The following SPAM1 variants were observed in gnomAD, a reference collection of about 807,000 sequenced individuals.
The protein encoded by SPAM1 is hyaluronidase PH-20.
In SPAM1, 22 loss-of-function variants were observed where a neutral mutation model predicts 29.6. The observed-to-expected ratio is 0.74, with a 90% CI of 0.53 to 1.06. The LOEUF is 1.06. Ranked by LOEUF, SPAM1 falls within the 50% of genes least tolerant of loss-of-function variation. SPAM1 has a pLI of 0.00. For missense variants in SPAM1, 534 were observed against 604.0 expected, an observed-to-expected ratio of 0.88 and a Z score of 1.21; for synonymous variants, 194 against 204.6, an observed-to-expected ratio of 0.95 and a Z score of 0.44.
chr7:123,948,973 CT>C (rs58149943), intron 1 of SPAM1, among the ~76,000 whole-genome samples: 47,807 of 141,132 alleles, frequency 0.34, 8,121 homozygotes, highest in Admixed American at 0.42. Context: ...AAATTTGGCT[CT>C]TTTTTTTTTT....
intron 1 of SPAM1, among the ~76,000 whole-genome samples, chr7:123,949,629 A>G (rs1409836830): frequency 1.3e-5 from 2 of 152,156 alleles, no homozygotes; most frequent in African/African-American, 4.8e-5. Context: ...ATGCTACAAT[A>G]CATAGTGGTG....
At chr7:123,940,097 C>CT (rs142904583) in intron 1 of SPAM1, among the ~76,000 whole-genome samples, 101 of 147,918 alleles carry the variant, frequency 6.8e-4, no homozygotes, top group Middle Eastern at 3.5e-3. Flanking sequence ...CTGCTTACTT[C>CT]TTTTTTTTTT....
intron 1 of SPAM1, among the ~76,000 whole-genome samples, chr7:123,943,478 A>T (rs565919593): frequency 3.9e-5 from 6 of 152,296 alleles, no homozygotes; most frequent in Non-Finnish European, 7.4e-5. Context: ...TACTGATAAC[A>T]TATGCTAAGA....
intron 1 of SPAM1, among the ~76,000 whole-genome samples, chr7:123,930,474 T>C (rs879381705): frequency 1.3e-5 from 2 of 152,064 alleles, no homozygotes; most frequent in Non-Finnish European, 2.9e-5. Flanking sequence ...CCCAAAAATA[T>C]CCTAAGAAAG....
downstream of SPAM1, among the ~76,000 whole-genome samples, chr7:123,963,143 T>C (rs1013848043): frequency 5.3e-5 from 8 of 151,888 alleles, no homozygotes; most frequent in Non-Finnish European, 8.8e-5. Context: ...GGTATATACA[T>C]TTTAATTTAG....
In SPAM1 at chr7:123,959,397, T is replaced by TA. The variant is rs1221042552; in HGVS notation, c.1045-80dup. 7 of 885,022 alleles carry TA rather than the reference T, an allele frequency of 7.9e-6. No individual in the cohort carries two copies. In the Admixed American group the frequency reaches 8.1e-5, roughly 10 times the overall value. The allele number at this position is 885,022 out of a possible 1,614,324, so 54.8% of individuals were successfully genotyped here. A position where few individuals can be genotyped will look rare whatever the true frequency, so the allele number is the denominator to read the frequency against. On this transcript the variant is annotated intron_variant, in intron 4 of 4. Coordinates refer to ENST00000682466, the MANE Select transcript of SPAM1 (RefSeq NM_153189.3). Reference sequence around the variant, plus strand: ...GCTATCTCTGGTTTTCATTCTTCTGTAAAAAAATTGCTTAATACACTAAAT... The same window carrying TA: ...GCTATCTCTGGTTTTCATTCTTCTGTAAAAAAAATTGCTTAATACACTAAAT...
At chr7:123,952,248 A>T (rs1042097400) in intron 2 of SPAM1, among the ~76,000 whole-genome samples, 5 of 152,130 alleles carry the variant, frequency 3.3e-5, no homozygotes, top group Non-Finnish European at 7.4e-5. Flanking sequence ...AGACTATAAT[A>T]GTCCTTATGA....
intron 5 of SPAM1, among the ~76,000 whole-genome samples, chr7:123,967,125 A>AG (rs749711159): frequency 3.2e-4 from 49 of 152,088 alleles, no homozygotes; most frequent in Non-Finnish European, 6.3e-4. Flanking sequence ...TAATGGCAGC[A>AG]GGGGGCAGTA....
intron 1 of SPAM1, among the ~76,000 whole-genome samples, chr7:123,940,036 C>G (rs1271668162): frequency 6.6e-6 from 1 of 151,936 alleles, no homozygotes; most frequent in African/African-American, 2.4e-5. Context: ...TTTGTTTCCC[C>G]TATTGCAATT....
chr7:123,959,876 A>G lies in SPAM1; in HGVS notation c.1437A>G (p.Gln479=), dbSNP rs147565292. ...CTCCCATGGAGACAGAAGAACCTCA[A>G]ATTTTCTACAATGCTTCACCCTCCA... The part of the protein sequence containing the change: ...LKPPMETEEP[Q]IFYNASPSTL... Residue 479 remains glutamine (Q), a synonymous_variant, in exon 5 of 5, where the codon CAA becomes CAG. Transcript: ENST00000682466. 2.5e-6 allele frequency: 4 copies of G among 1,613,054 alleles called. No individual in the cohort carries two copies. The highest frequency in any genetic ancestry group is 1.7e-4 in the Middle Eastern group (1 of 6,056).
chr7:123,957,919 T>G (rs901344294), intron 4 of SPAM1, among the ~76,000 whole-genome samples: 2 of 152,002 alleles, frequency 1.3e-5, no homozygotes, highest in African/African-American at 4.8e-5. Context: ...TTCCTTCAGT[T>G]TATCTTTCTA....
chr7:123,941,119 T>C (rs996108042), intron 1 of SPAM1, among the ~76,000 whole-genome samples: 1 of 152,238 alleles, frequency 6.6e-6, no homozygotes, highest in Non-Finnish European at 1.5e-5. Flanking sequence ...TCATTATTTA[T>C]TTGGCTCTTC....
At chr7:123,968,712 T>G (rs1019181884) in intron 5 of SPAM1, among the ~76,000 whole-genome samples, 2 of 151,984 alleles carry the variant, frequency 1.3e-5, no homozygotes, top group South Asian at 2.1e-4. Flanking sequence ...GAAAATATGG[T>G]TTCTAGAGCC....
At chr7:123,941,599 G>C (rs1808430017) in intron 1 of SPAM1, among the ~76,000 whole-genome samples, 1 of 152,128 alleles carries the variant, frequency 6.6e-6, no homozygotes, top group Non-Finnish European at 1.5e-5. Context: ...TCTGTCCTTT[G>C]TTCACAAGGA....
At chr7:123,958,226 C>T (rs750205799) in intron 4 of SPAM1, among the ~76,000 whole-genome samples, 11 of 152,012 alleles carry the variant, frequency 7.2e-5, no homozygotes, top group Non-Finnish European at 1.5e-4. Context: ...ACCACTGCCA[C>T]TTCCTTTGGC....
chr7:123,932,081 G>A (rs1032313330), intron 1 of SPAM1: 26 of 152,158 alleles, frequency 1.7e-4, no homozygotes, highest in African/African-American at 5.6e-4. Flanking sequence ...GAGAAAGGAC[G>A]AATTAAAACC....
intron 3 of SPAM1, 53 bp from the exon 4 acceptor site, chr7:123,954,944 A>G (rs1792215025): frequency 8.4e-7 from 1 of 1,194,488 alleles, no homozygotes; most frequent in Non-Finnish European, 1.3e-6. Context: ...TGTCCTATGT[A>G]TAGCACTTTC....
rs1792455217 is a variant in SPAM1 at position 123,968,346 on chromosome 7, TG to T, written c.1486-1850del. On this transcript the variant is annotated intron_variant, in intron 5 of 6. Transcript: ENST00000340011. ...AGAAGGCAACTTCCAGGTGTTGCCA[TG>T]GCAATTGAAAACTGTCATGACGCTG... Among the ~76,000 whole-genome samples, 3 of 152,212 alleles carry T rather than the reference TG, an allele frequency of 2.0e-5. No individual in the cohort carries two copies. In the South Asian group the frequency reaches 6.2e-4, roughly 32 times the overall value.
At chr7:123,933,181 C>T (rs1051797967) in intron 1 of SPAM1, among the ~76,000 whole-genome samples, 1 of 151,654 alleles carries the variant, frequency 6.6e-6, no homozygotes, top group Non-Finnish European at 1.5e-5. Flanking sequence ...TTTTAAGCCT[C>T]GCGTGCATTA....
Sources: allele counts gnomAD v4.1 joint callset (sites outside exome capture counted in the v4.1 genomes callset), GRCh38; gene constraint gnomAD v4.1.1; transcripts MANE v1.5; gene names NCBI Gene and HGNC (gene_info 2026-07-23, HGNC 2026-07-21).